Variants in CLTC observed in about 807,000 individuals in gnomAD.
The protein encoded by CLTC is clathrin heavy chain, also known as clathrin heavy chain 1.
A neutral mutation model predicts 195.8 loss-of-function variants in CLTC; 16 were observed. The ratio of observed to expected loss-of-function variants is 0.08; its 90% confidence interval spans 0.06 to 0.12. CLTC has a LOEUF of 0.12. Ranked by LOEUF, CLTC falls within the 10% of genes least tolerant of loss-of-function variation. The pLI is 1.00. For synonymous variants in CLTC, 667 were observed against 689.4 expected (o/e 0.97, Z 0.51); for missense variants, 796 against 2,027.0 (o/e 0.39, Z 11.66).
rs1280430512 is a variant in CLTC at position 59,660,506 on chromosome 17, A to G, written c.1085A>G (p.Glu362Gly). 6.2e-7 allele frequency: 1 copy of G among 1,614,036 alleles called. No homozygotes were observed. The highest frequency in any genetic ancestry group is 8.5e-7 in the Non-Finnish European group (1 of 1,180,020). Residue 362 changes from glutamate (E) to glycine (G), a missense_variant, in exon 7 of 32, where the codon GAA (glutamate) becomes GGA (glycine). This residue lies in a region of CLTC where 293 missense variants were observed against 795.6 expected (regional missense o/e 0.37). Coordinates refer to ENST00000269122, the MANE Select transcript of CLTC (RefSeq NM_004859.4). ...AVRNNLAGAE[E>G]LFARKFNALF... is the part of the protein sequence containing the mutation. The stretch of plus-strand genomic sequence containing the variant: ...CGTAATAACTTAGCCGGTGCTGAAG[A>G]ACTCTTTGCCCGGAAATTTAATGCT...
intron 1 of CLTC, among the ~76,000 whole-genome samples, chr17:59,628,547 A>C (rs538892321): frequency 1.2e-4 from 19 of 152,278 alleles, no homozygotes; most frequent in African/African-American, 4.6e-4. Context: ...CAGACTCTCT[A>C]ATTTCTCATT....
chr17:59,627,609 TTTATA>T (rs1349658468), intron 1 of CLTC, among the ~76,000 whole-genome samples: 1 of 152,214 alleles, frequency 6.6e-6, no homozygotes, highest in African/African-American at 2.4e-5. Flanking sequence ...TGAAATATTT[TTTATA>T]TTATGAGAAA....
intron 1 of CLTC, 103 bp from the exon 2 acceptor site, chr17:59,644,173 C>A: frequency 1.2e-6 from 1 of 843,816 alleles, no homozygotes; most frequent in Non-Finnish European, 1.9e-6. Context: ...TTATTGTGAC[C>A]TTGAAGCATT....
At position 59,683,785 on chromosome 17, in the gene CLTC, C is replaced by A. The variant is rs1439489533; in HGVS notation, c.4323+29C>A. On this transcript the variant is annotated intron_variant, in intron 27 of 31. Coordinates refer to ENST00000269122, the MANE Select transcript of CLTC (RefSeq NM_004859.4). This position sits in a 1 kb window ranked among gnomAD's most constrained non-coding sequence, Gnocchi z 6.1. ...AAGTAATAATTTTAAACCAAAGCTT[C>A]ATAGCAAGGAATTAGGACATACTTC... 1 of 1,613,982 alleles carries A rather than the reference C, an allele frequency of 6.2e-7. No homozygotes were observed. Among genetic ancestry groups the A allele is most frequent in the South Asian group, 1.1e-5 (1 of 91,072 alleles).
chr17:59,634,318 A>G (rs2031805023), intron 1 of CLTC, among the ~76,000 whole-genome samples: 2 of 152,164 alleles, frequency 1.3e-5, no homozygotes, highest in African/African-American at 4.8e-5. Flanking sequence ...AATTGCATTT[A>G]TACGGGGGGC....
chr17:59,658,570 G>A (rs1200873122), intron 6 of CLTC: 2 of 152,140 alleles, frequency 1.3e-5, no homozygotes, highest in Non-Finnish European at 2.9e-5. Context: ...ATTCCCTGAA[G>A]GAATGAGTAA....
intron 7 of CLTC, 89 bp from the exon 8 acceptor site, chr17:59,661,354 A>T: frequency 2.1e-6 from 2 of 953,458 alleles, no homozygotes; most frequent in Non-Finnish European, 3.4e-6. Context: ...CAGGGTGTTT[A>T]GTGTGATGTT....
Position 59,681,482 on chromosome 17 carries a change from A to G in CLTC, c.3249+4A>G. On this transcript the variant is annotated splice_donor_region_variant and intron_variant, in intron 20 of 31. Transcript: ENST00000269122. The surrounding 1 kb of genome is among the most constrained non-coding windows in gnomAD (Gnocchi z 5.0). ...TGTCAATACTTCAGCAGTTCAGGTA[A>G]ATCTTCAGATTACCTAAGTTGAATT... 1.2e-6 allele frequency: 2 copies of G among 1,613,778 alleles called. No individual in the cohort carries two copies. Among genetic ancestry groups the G allele is most frequent in the Non-Finnish European group, 1.7e-6 (2 of 1,179,772 alleles).
intron 1 of CLTC, among the ~76,000 whole-genome samples, chr17:59,633,105 T>A (rs1416113207): frequency 6.6e-6 from 1 of 152,230 alleles, no homozygotes; most frequent in Non-Finnish European, 1.5e-5. Flanking sequence ...TAATATTAAA[T>A]CATTTTGAGA....
chr17:59,654,336 T>C (rs1195367292), intron 5 of CLTC, among the ~76,000 whole-genome samples: 3 of 150,864 alleles, frequency 2.0e-5, no homozygotes, highest in Non-Finnish European at 4.4e-5. Flanking sequence ...CCACCCCACC[T>C]GGGTAATTTT....
rs545128225 is a variant in CLTC, at chr17:59,696,727, C to T, written c.*2875C>T. On this transcript the variant is annotated 3_prime_UTR_variant, in exon 32 of 32. Transcript: ENST00000269122. ...AAATACTAGCAGGGATGACAAACTA[C>T]GTTCACTTTACAGTTACCATAAATT... 9.7e-6 allele frequency: 2 copies of T among 207,172 alleles called. No individual in the cohort carries two copies. Among genetic ancestry groups the T allele is most frequent in the Non-Finnish European group, 2.0e-5 (2 of 101,580 alleles). 12.8% of individuals were successfully genotyped at this position (207,172 alleles called of 1,614,324 possible). A position where few individuals can be genotyped will look rare whatever the true frequency, so the allele number is the denominator to read the frequency against.
intron 7 of CLTC, 95 bp from the exon 8 acceptor site, chr17:59,661,340 TCTACAGGG>T: frequency 3.6e-6 from 3 of 836,948 alleles, no homozygotes; most frequent in Non-Finnish European, 6.0e-6. Flanking sequence ...GAGATTGATC[TCTACAGGG>T]TGTTTAGTGT....
At chr17:59,673,186 A>G (rs1452420208) in intron 14 of CLTC, among the ~76,000 whole-genome samples, 1 of 151,868 alleles carries the variant, frequency 6.6e-6, no homozygotes, top group Non-Finnish European at 1.5e-5. Flanking sequence ...ATAATAGAGT[A>G]TTAGAGGCTG....
intron 30 of CLTC, among the ~76,000 whole-genome samples, chr17:59,687,554 G>C (rs2033210561): frequency 1.4e-5 from 2 of 142,994 alleles, no homozygotes; most frequent in African/African-American, 5.2e-5. Flanking sequence ...CTAATTTTTT[G>C]CTGAAAGTAG....
At chr17:59,624,774 T>A (rs997579267) in intron 1 of CLTC, among the ~76,000 whole-genome samples, 1 of 151,908 alleles carries the variant, frequency 6.6e-6, no homozygotes, top group African/African-American at 2.4e-5. Flanking sequence ...TGGCCTCATA[T>A]AAATAATTTT....
intron 10 of CLTC, among the ~76,000 whole-genome samples, chr17:59,665,755 G>A (rs1420749510): frequency 6.6e-6 from 1 of 152,032 alleles, no homozygotes; most frequent in African/African-American, 2.4e-5. Context: ...CAGGAGAATC[G>A]CTTGAACCCG....
intron 1 of CLTC, among the ~76,000 whole-genome samples, chr17:59,635,219 A>G (rs766575947): frequency 1.5e-4 from 23 of 152,174 alleles, no homozygotes; most frequent in Non-Finnish European, 3.4e-4. Flanking sequence ...CATTTTCCCT[A>G]TTCAGATGAA....
At position 59,696,784 on chromosome 17, in the gene CLTC, A is replaced by C. The variant is rs2033438372; in HGVS notation, c.*2932A>C. ...TGGGCCCACCCATTTCCATCTGTTA[A>C]GGTCCATAAGGTTACTCAAGTTTCA... is the stretch of plus-strand genomic sequence containing the variant. On this transcript the variant is annotated 3_prime_UTR_variant, in exon 32 of 32. Coordinates refer to ENST00000269122, the MANE Select transcript of CLTC (RefSeq NM_004859.4). 4.9e-6 allele frequency: 1 copy of C among 204,122 alleles called. No individual in the cohort carries two copies. Among genetic ancestry groups the C allele is most frequent in the African/African-American group, 2.3e-5 (1 of 43,788 alleles). The allele number at this position is 204,122 out of a possible 1,614,324, so 12.6% of individuals were successfully genotyped here.
At chr17:59,631,533 G>T (rs1567928889) in intron 1 of CLTC, among the ~76,000 whole-genome samples, 1 of 152,196 alleles carries the variant, frequency 6.6e-6, no homozygotes, top group Non-Finnish European at 1.5e-5. Context: ...AAAAGGAACA[G>T]AAAGACCTAT....
Sources: allele counts gnomAD v4.1 joint callset (sites outside exome capture counted in the v4.1 genomes callset), GRCh38; gene constraint gnomAD v4.1.1; regional missense constraint gnomAD v4.1.1; non-coding constraint Gnocchi (gnomAD v3.1); transcripts MANE v1.5; gene names NCBI Gene and HGNC (gene_info 2026-07-23, HGNC 2026-07-21).